Variants in DDX19B observed in about 807,000 individuals in gnomAD.
The protein encoded by DDX19B is ATP-dependent RNA helicase DDX19B.
A neutral mutation model predicts 58.1 loss-of-function variants in DDX19B; 27 were observed. That is an observed-to-expected ratio of 0.46 (90% confidence interval 0.34 to 0.64). The LOEUF (loss-of-function observed/expected upper bound fraction) is 0.64, where lower values mean the gene tolerates loss of function less well. Among genes scored for constraint, DDX19B ranks in the 30% least tolerant of loss-of-function variants. The pLI, the probability that DDX19B is intolerant of heterozygous loss-of-function variation, is 0.01. For synonymous variants in DDX19B, 187 were observed against 214.4 expected (o/e 0.87, Z 1.12); for missense variants, 399 against 596.5 (o/e 0.67, Z 3.45).
At chr16:70,293,770 C>T (rs558099810), upstream of DDX19B, among the ~76,000 whole-genome samples, 532 of 149,864 alleles carry the variant, frequency 3.5e-3, 6 homozygotes, top group African/African-American at 0.012. Flanking sequence ...CGCCACCGTG[C>T]CCGGCTAATT....
At position 70,331,837 on chromosome 16, in the gene DDX19B, G is replaced by A. The variant is rs1374554801; in HGVS notation, c.1139G>A (p.Arg380Gln). Residue 380 changes from arginine (R) to glutamine (Q), a missense_variant, in exon 10 of 12, where the codon CGA becomes CAA. By Grantham distance (43) the Arg-to-Gln change is conservative. Around this residue, in one of 4 missense-constraint regions of DDX19B, gnomAD observed 198 missense variants for 345.9 expected, o/e 0.57. Transcript: ENST00000288071. ...EQRAAVIERF[R>Q]EGKEKVLVTT... ...AGGGCTGCAGTGATTGAGCGCTTCC[G>A]AGAGGGCAAAGAGAAGGTTTTGGTG... 5.0e-6 allele frequency: 8 copies of A among 1,614,084 alleles called. No homozygotes were observed. The Admixed American group carries it at 1.0e-4, about 20-fold the overall frequency.
upstream of DDX19B, chr16:70,294,833 A>C (rs1961162026): frequency 5.3e-6 from 8 of 1,495,626 alleles, no homozygotes; most frequent in South Asian, 7.7e-5. Context: ...TGTAACTGCC[A>C]TGCTCAGCCG....
At chr16:70,333,430 C>G in intron 11 of DDX19B, 91 bp from the exon 12 acceptor site, 1 of 1,600,056 alleles carries the variant, frequency 6.2e-7, no homozygotes, top group Non-Finnish European at 8.6e-7. Flanking sequence ...GCTTAGGCAC[C>G]CGGAGCCTTT....
intron 2 of DDX19B, among the ~76,000 whole-genome samples, chr16:70,314,580 C>A (rs935783145): frequency 2.0e-5 from 3 of 152,042 alleles, no homozygotes; most frequent in African/African-American, 7.2e-5. Context: ...AAGAGAATGG[C>A]GTGAACCTGG....
intron 1 of DDX19B, among the ~76,000 whole-genome samples, chr16:70,309,086 G>T (rs1961936176): frequency 6.6e-6 from 1 of 151,186 alleles, no homozygotes; most frequent in Admixed American, 6.6e-5. Flanking sequence ...CCAGTTGAAT[G>T]GTTTCCTTTT....
chr16:70,327,013 T>G (rs1597497009), intron 7 of DDX19B, among the ~76,000 whole-genome samples: 2 of 151,704 alleles, frequency 1.3e-5, no homozygotes, highest in African/African-American at 4.8e-5. Flanking sequence ...TTTTTGTATT[T>G]TTAGTAGAGA....
At chr16:70,329,548 G>A in intron 8 of DDX19B, 79 bp downstream of exon 8, 3 of 1,589,492 alleles carry the variant, frequency 1.9e-6, no homozygotes, top group Non-Finnish European at 1.7e-6. Context: ...TGCCTCCTCT[G>A]GCTTCTGCCT....
upstream of DDX19B, chr16:70,290,048 GA>G (rs961095075): frequency 5.7e-4 from 147 of 260,174 alleles, no homozygotes; most frequent in South Asian, 1.2e-3. Context: ...TTTGCCTTTG[GA>G]AAAAAAAAAG....
At chr16:70,301,042 T>G (rs537841496) in intron 1 of DDX19B, among the ~76,000 whole-genome samples, 1 of 152,184 alleles carries the variant, frequency 6.6e-6, no homozygotes, top group Non-Finnish European at 1.5e-5. Flanking sequence ...CTCCTGTCTT[T>G]AGAGCACAGT....
chr16:70,311,575 A>G (rs1305938016), intron 1 of DDX19B, among the ~76,000 whole-genome samples: 2 of 151,978 alleles, frequency 1.3e-5, no homozygotes, highest in Non-Finnish European at 2.9e-5. Context: ...AAGACCTGCT[A>G]GGATATCCCT....
At chr16:70,324,362 CAAAAAAAAAAAAAA>C (rs57977602) in intron 5 of DDX19B, among the ~76,000 whole-genome samples, 3 of 48,854 alleles carry the variant, frequency 6.1e-5, no homozygotes, top group Non-Finnish European at 1.1e-4. Context: ...GACCTAATCT[CAAAAAAAAAAAAAA>C]AAAAAAAAAA....
At position 70,331,839 on chromosome 16, in the gene DDX19B, G is replaced by C. The variant is rs1250174782; in HGVS notation, c.1141G>C (p.Glu381Gln). The part of the protein sequence containing the change: ...QRAAVIERFR[E>Q]GKEKVLVTTN... The stretch of plus-strand genomic sequence containing the variant: ...GGCTGCAGTGATTGAGCGCTTCCGA[G>C]AGGGCAAAGAGAAGGTTTTGGTGAC... The change falls in exon 10 of 12, where the codon GAG becomes CAG. Residue 381 changes from glutamate to glutamine, a missense_variant. Physicochemically the swap from Glu to Gln is conservative, Grantham distance 29. Coordinates refer to ENST00000288071, the MANE Select transcript of DDX19B (RefSeq NM_007242.7). 6.2e-7 allele frequency: 1 copy of C among 1,614,114 alleles called. No individual in the cohort carries two copies. Among genetic ancestry groups the C allele is most frequent in the Non-Finnish European group, 8.5e-7 (1 of 1,179,970 alleles).
chr16:70,327,925 T>C (rs1300093925), intron 7 of DDX19B, among the ~76,000 whole-genome samples: 3 of 152,032 alleles, frequency 2.0e-5, no homozygotes, highest in Admixed American at 1.3e-4. Flanking sequence ...CTAAGGTGGG[T>C]GGATCATTGT....
chr16:70,320,958 G>A (rs1962758852), intron 5 of DDX19B, among the ~76,000 whole-genome samples: 1 of 145,060 alleles, frequency 6.9e-6, no homozygotes, highest in South Asian at 2.2e-4. Flanking sequence ...CACCACACTA[G>A]GCTTTTTTTT....
In DDX19B at chr16:70,309,049, TTTTG is replaced by T. The variant is rs1048872599; in HGVS notation, c.58-3552_58-3549del. On this transcript the variant is annotated intron_variant, in intron 1 of 11. Coordinates refer to ENST00000288071, the MANE Select transcript of DDX19B (RefSeq NM_007242.7). ...CTGCTTTATAATGATTTCTTTTTTTTTTTGTTTGTTTTTCAGTCGGCTTTCTCCA... is the reference window on the plus strand; with the variant it reads ...CTGCTTTATAATGATTTCTTTTTTTTTTTGTTTTTCAGTCGGCTTTCTCCA... 1.5e-4 allele frequency among the ~76,000 whole-genome samples: 23 copies of T among 152,146 alleles called. No individual in the cohort carries two copies. The Middle Eastern group carries it at 0.01, about 68-fold the overall frequency.
chr16:70,312,490 T>C, intron 1 of DDX19B, 119 bp from the exon 2 acceptor site: 1 of 869,014 alleles, frequency 1.2e-6, no homozygotes, highest in Non-Finnish European at 1.9e-6. Flanking sequence ...TTGGTCCTAA[T>C]GAATATACCT....
upstream of DDX19B, among the ~76,000 whole-genome samples, chr16:70,293,461 A>G (rs1234471902): frequency 6.6e-6 from 1 of 151,934 alleles, no homozygotes; most frequent in East Asian, 1.9e-4. Context: ...TGGAAAAAAA[A>G]AAAAACTAAC....
intron 1 of DDX19B, among the ~76,000 whole-genome samples, chr16:70,303,303 A>C (rs1235221357): frequency 1.3e-5 from 2 of 152,062 alleles, no homozygotes; most frequent in Non-Finnish European, 2.9e-5. Flanking sequence ...ATGCGCCACC[A>C]CATCTGGCTA....
intron 2 of DDX19B, among the ~76,000 whole-genome samples, chr16:70,314,242 T>C (rs1962244693): frequency 1.3e-5 from 2 of 152,232 alleles, no homozygotes; most frequent in Admixed American, 6.5e-5. Context: ...TATTCCTCTG[T>C]TGAGCATCAA....
Sources: allele counts gnomAD v4.1 joint callset (sites outside exome capture counted in the v4.1 genomes callset), GRCh38; gene constraint gnomAD v4.1.1; regional missense constraint gnomAD v4.1.1; transcripts MANE v1.5; gene names NCBI Gene and HGNC (gene_info 2026-07-23, HGNC 2026-07-21).